PRR16: variants seen among roughly 807,000 people sequenced by gnomAD.
PRR16 encodes proline rich 16.
PRR16 carries 6 observed loss-of-function variants against 18.2 expected under a neutral mutation model. The observed-to-expected ratio is 0.33, with a 90% confidence interval of 0.18 to 0.65. The LOEUF (loss-of-function observed/expected upper bound fraction) is 0.65, where lower values mean the gene tolerates loss of function less well. PRR16 is among the 30% of genes least tolerant of loss of function. The pLI is 0.74. For synonymous variants in PRR16, 151 were observed against 147.8 expected, an observed-to-expected ratio of 1.02 and a Z score of -0.16; for missense variants, 412 against 376.6, an observed-to-expected ratio of 1.09 and a Z score of -0.78.
rs1757152429 is a variant in PRR16 at position 120,687,152 on chromosome 5, T to A, written c.*443T>A. The A allele has an allele frequency of 6.5e-6, 1 of 152,980 alleles. No homozygotes were observed. Among genetic ancestry groups the A allele is most frequent in the South Asian group, 2.1e-4 (1 of 4,834 alleles). 9.5% of individuals were successfully genotyped at this position (152,980 alleles called of 1,614,324 possible). A position where few individuals can be genotyped will look rare whatever the true frequency, so the allele number is the denominator to read the frequency against. On this transcript the variant is annotated 3_prime_UTR_variant, in exon 2 of 2. Transcript: ENST00000407149. ...TATTATTTTTTTCTAAAGATGTTTG[T>A]CACTAGTTTTTCATTATTAAATGCT...
chr5:120,509,017 A>C (rs1278102692), intron 1 of PRR16, among the ~76,000 whole-genome samples: 25 of 152,098 alleles, frequency 1.6e-4, no homozygotes, highest in Non-Finnish European at 2.9e-5. Context: ...TGAAGTTGAA[A>C]ATATACACTG....
chr5:120,519,713 C>A (rs976356635), intron 1 of PRR16, among the ~76,000 whole-genome samples: 1 of 151,650 alleles, frequency 6.6e-6, no homozygotes, highest in African/African-American at 2.4e-5. Context: ...CTTGTGCCAA[C>A]AATGAAAGAG....
intron 1 of PRR16, among the ~76,000 whole-genome samples, chr5:120,564,928 G>A (rs1249666580): frequency 6.7e-6 from 1 of 149,710 alleles, no homozygotes; most frequent in East Asian, 2.0e-4. Flanking sequence ...GGACCTTGCA[G>A]TTAGCCGAGA....
At chr5:120,725,654 G>C in the PRR16 span, among the ~76,000 whole-genome samples, 1 of 151,950 alleles carries the variant, frequency 6.6e-6, no homozygotes, top group Non-Finnish European at 1.5e-5. Context: ...TCCAGCCTGA[G>C]TGACAGAGGA....
the PRR16 span, chr5:120,781,509 A>AG: frequency 6.6e-6 from 1 of 152,186 alleles, no homozygotes; most frequent in Admixed American, 6.5e-5. Context: ...CTTCAGAGGT[A>AG]AGTGCTCCTT....
chr5:120,722,623 A>G, the PRR16 span, among the ~76,000 whole-genome samples: 1 of 151,990 alleles, frequency 6.6e-6, no homozygotes, highest in Non-Finnish European at 1.5e-5. Context: ...AAAAGAACTA[A>G]TGAACAGTCC....
At chr5:120,590,442 A>T (rs188090029) in intron 1 of PRR16, among the ~76,000 whole-genome samples, 2 of 152,216 alleles carry the variant, frequency 1.3e-5, no homozygotes, top group African/African-American at 2.4e-5. Context: ...CTTAATAAAT[A>T]TTTTACTTTA....
chr5:120,773,529 CTTTCA>C, the PRR16 span, among the ~76,000 whole-genome samples: 2 of 152,148 alleles, frequency 1.3e-5, no homozygotes, highest in Non-Finnish European at 2.9e-5. Flanking sequence ...CCACTCAATA[CTTTCA>C]TTTCTTTCCT....
intron 1 of PRR16, among the ~76,000 whole-genome samples, chr5:120,644,107 T>C (rs1377710680): frequency 6.6e-6 from 1 of 152,088 alleles, no homozygotes; most frequent in African/African-American, 2.4e-5. Context: ...TTCCTTCTCT[T>C]ACTAGCTGTG....
chr5:120,544,096 G>T (rs760774317), intron 1 of PRR16, among the ~76,000 whole-genome samples: 2 of 152,128 alleles, frequency 1.3e-5, no homozygotes, highest in African/African-American at 4.8e-5. Context: ...TAAACCAAAA[G>T]TGACAAATAC....
At chr5:120,617,021 T>C (rs2112814342) in intron 1 of PRR16, 1 of 664,718 alleles carries the variant, frequency 1.5e-6, no homozygotes, top group East Asian at 1.4e-4. Flanking sequence ...TCCTGCACCA[T>C]GTCCAGTCCA....
At chr5:120,768,556 TACTC>T in the PRR16 span, among the ~76,000 whole-genome samples, 1 of 151,710 alleles carries the variant, frequency 6.6e-6, no homozygotes, top group African/African-American at 2.4e-5. Context: ...CCTGAATTAA[TACTC>T]AATAAGTATG....
At chr5:120,506,148 C>G (rs1750639109) in intron 1 of PRR16, among the ~76,000 whole-genome samples, 1 of 151,870 alleles carries the variant, frequency 6.6e-6, no homozygotes, top group South Asian at 2.1e-4. Flanking sequence ...ATATTCTGTA[C>G]AGAGGCTGTG....
the PRR16 span, among the ~76,000 whole-genome samples, chr5:120,745,852 C>A: frequency 7.1e-6 from 1 of 140,140 alleles, no homozygotes; most frequent in African/African-American, 2.7e-5. Context: ...GCACCCGCCA[C>A]CACGCCCGGG....
In PRR16 at chr5:120,535,792, C is replaced by T. The variant is rs549837686; in HGVS notation, c.159+71147C>T. ...TCAGCCCGAGTGACAGAGTGAGATC[C>T]TGTCAAAAAACAAACAAACAAAAAA... On this transcript the variant is annotated intron_variant, in intron 1 of 1. Coordinates refer to ENST00000407149, the MANE Select transcript of PRR16 (RefSeq NM_001300783.2). Among the ~76,000 whole-genome samples, 8 of 150,932 alleles carry T rather than the reference C, an allele frequency of 5.3e-5. No homozygotes were observed. In the South Asian group the frequency reaches 6.3e-4, roughly 12 times the overall value.
intron 1 of PRR16, among the ~76,000 whole-genome samples, chr5:120,537,058 G>A (rs1376366937): frequency 2.0e-5 from 3 of 152,190 alleles, no homozygotes; most frequent in Non-Finnish European, 4.4e-5. Flanking sequence ...AGGGCGAGAG[G>A]AGGGAGAGAA....
chr5:120,726,795 A>C, the PRR16 span, among the ~76,000 whole-genome samples: 1 of 152,080 alleles, frequency 6.6e-6, no homozygotes, highest in African/African-American at 2.4e-5. Flanking sequence ...TCAACTTGTC[A>C]TAGAAATGGG....
the PRR16 span, among the ~76,000 whole-genome samples, chr5:120,754,211 T>C: frequency 4.5e-5 from 3 of 66,212 alleles, no homozygotes; most frequent in East Asian, 2.0e-3. Context: ...TTATAAATTA[T>C]ATATTATAAT....
chr5:120,671,027 C>T (rs915557516), intron 1 of PRR16, among the ~76,000 whole-genome samples: 3 of 152,094 alleles, frequency 2.0e-5, no homozygotes, highest in Non-Finnish European at 4.4e-5. Context: ...AACCTCTTTA[C>T]CTGCATCTCT....
Sources: allele counts gnomAD v4.1 joint callset (sites outside exome capture counted in the v4.1 genomes callset), GRCh38; gene constraint gnomAD v4.1.1; transcripts MANE v1.5; gene names NCBI Gene and HGNC (gene_info 2026-07-23, HGNC 2026-07-21).